The following TRANK1 variants were observed in gnomAD, a reference collection of about 807,000 sequenced individuals.
The protein encoded by TRANK1 is tetratricopeptide repeat and ankyrin repeat containing 1.
A neutral mutation model predicts 266.0 loss-of-function variants in TRANK1; 198 were observed. The observed-to-expected ratio is 0.74, with a 90% CI of 0.66 to 0.84. The LOEUF is 0.84. Ranked by LOEUF, TRANK1 falls within the 40% of genes least tolerant of loss-of-function variation. The pLI, the probability that TRANK1 is intolerant of heterozygous loss-of-function variation, is 0.00. For synonymous variants in TRANK1, 1,396 were observed against 1,384.1 expected (o/e 1.01, Z -0.19); for missense variants, 3,326 against 3,634.6 (o/e 0.92, Z 2.18).
At position 36,874,184 on chromosome 3, in the gene TRANK1, G is replaced by T; in HGVS notation, c.1020C>A (p.Ala340=). ...CTAAGTGACTGTTGATTTTCTCGAT[G>T]GCTTTGAAGTTCTTATTCCTCTTCA... ...DVLKRNKNFK[A]IEKINSHLEK... is the part of the protein sequence containing the mutation. Residue 340 remains alanine, a synonymous_variant, in exon 9 of 24, where the codon GCC becomes GCA. Coordinates refer to ENST00000645898, the MANE Select transcript of TRANK1 (RefSeq NM_001329998.2). 1 of 1,537,390 alleles carries T rather than the reference G, an allele frequency of 6.5e-7. No individual in the cohort carries two copies.
At position 36,858,847 on chromosome 3, in the gene TRANK1, A is replaced by G. The variant is rs566781996; in HGVS notation, c.1543T>C (p.Cys515Arg). ...AACTCGAAGTCCTCATGTTTCAGGC[A>G]CGTGACAACTGGCCTCTCCTGGCTC... is the stretch of plus-strand genomic sequence containing the variant. The part of the protein sequence containing the change: ...QESQERPVVT[C>R]LKHEDFELAF... Residue 515 changes from cysteine (C) to arginine (R), a missense_variant, in exon 12 of 24, where the codon TGC becomes CGC. Physicochemically the swap from Cys to Arg is radical, Grantham distance 180. Transcript: ENST00000645898. 6.5e-7 allele frequency: 1 copy of G among 1,537,252 alleles called. No homozygotes were observed. The highest frequency in any genetic ancestry group is 1.4e-5 in the African/African-American group (1 of 73,180).
In TRANK1 at chr3:36,928,613, T is replaced by A. The variant is rs1265846047; in HGVS notation, c.23+16174A>T. Among the ~76,000 whole-genome samples, 6 of 148,216 alleles carry A rather than the reference T, an allele frequency of 4.0e-5. No homozygotes were observed. In the East Asian group the frequency reaches 6.7e-4, roughly 17 times the overall value. Reference sequence around the variant, plus strand: ...TAATACAGGACTAAAATAACTTGTATCTCTGTGACCTGAGGATATAGACAC... The same window carrying A: ...TAATACAGGACTAAAATAACTTGTAACTCTGTGACCTGAGGATATAGACAC... On this transcript the variant is annotated intron_variant, in intron 1 of 23. Coordinates refer to ENST00000645898, the MANE Select transcript of TRANK1 (RefSeq NM_001329998.2).
intron 18 of TRANK1, 128 bp from the exon 19 acceptor site, chr3:36,838,844 G>A (rs996479049): frequency 1.1e-6 from 1 of 898,734 alleles, no homozygotes; most frequent in East Asian, 2.6e-5. Flanking sequence ...ATCTGAGAAG[G>A]AGGAGCAGGA....
At chr3:36,911,067 C>G (rs905361150) in intron 1 of TRANK1, among the ~76,000 whole-genome samples, 2 of 151,036 alleles carry the variant, frequency 1.3e-5, no homozygotes, top group South Asian at 2.1e-4. Context: ...CTAACTCCAT[C>G]TGGAAAAAAA....
chr3:36,856,387 T>G lies in TRANK1; in HGVS notation c.3335A>C (p.Gln1112Pro), dbSNP rs1391158081. The G allele has an allele frequency of 6.2e-7, 1 of 1,600,014 alleles. No homozygotes were observed. The highest frequency in any genetic ancestry group is 2.3e-5 in the East Asian group (1 of 44,290). ...EQAGSPLLAK[Q>P]VWLKRRLEVE... ...TTCCAACCTTCTCTTCAGCCAGACC[T>G]GTTTGGCCAGCAATGGGCTTCCTGC... The change falls in exon 13 of 24, where the codon CAG (glutamine) becomes CCG (proline). Residue 1112 changes from glutamine to proline, a missense_variant. Transcript: ENST00000645898.
chr3:36,857,472 T>C lies in TRANK1; in HGVS notation c.2250A>G (p.Pro750=). Residue 750 remains proline (P), a synonymous_variant, in exon 13 of 24, where the codon CCA becomes CCG. Coordinates refer to ENST00000645898, the MANE Select transcript of TRANK1 (RefSeq NM_001329998.2). The surrounding 1 kb of genome is among the most constrained non-coding windows in gnomAD (Gnocchi z 4.3). ...GCTCAGAGCTCTGAAGACAGTCCTC[T>C]GGGAAAGACGGATCCACTTCAACCT... is the stretch of plus-strand genomic sequence containing the variant. The part of the protein sequence containing the change: ...IQQVEVDPSF[P]EDCLQSSEPL... 6.2e-7 allele frequency: 1 copy of C among 1,613,990 alleles called. No homozygotes were observed. Among genetic ancestry groups the C allele is most frequent in the Non-Finnish European group, 8.5e-7 (1 of 1,179,874 alleles).
chr3:36,835,350 G>A (rs1364166575), intron 20 of TRANK1, among the ~76,000 whole-genome samples: 3 of 135,102 alleles, frequency 2.2e-5, no homozygotes, highest in African/African-American at 8.3e-5. Context: ...AAAAAACCCT[G>A]TAACATAGAT....
chr3:36,909,739 G>C (rs1264980816), intron 1 of TRANK1, among the ~76,000 whole-genome samples: 2 of 152,162 alleles, frequency 1.3e-5, no homozygotes, highest in Non-Finnish European at 2.9e-5. Flanking sequence ...TAAACAATTT[G>C]ACTTCTTGGG....
chr3:36,898,307 G>A (rs1394224168), intron 4 of TRANK1, among the ~76,000 whole-genome samples: 2 of 151,914 alleles, frequency 1.3e-5, no homozygotes, highest in Admixed American at 6.6e-5. Context: ...AAAGTTAGCC[G>A]GGCGGGGTGG....
At chr3:36,829,778 A>C in intron 22 of TRANK1, 116 bp from the exon 23 acceptor site, 1 of 1,084,744 alleles carries the variant, frequency 9.2e-7, no homozygotes, top group Admixed American at 2.1e-5. Flanking sequence ...TTTTCCCTGA[A>C]AAGAGCCCTC....
At position 36,832,238 on chromosome 3, in the gene TRANK1, T is replaced by A. The variant is rs1408478949; in HGVS notation, c.7345A>T (p.Ile2449Phe). The A allele has an allele frequency of 2.5e-6, 4 of 1,613,846 alleles. No individual in the cohort carries two copies. The highest frequency in any genetic ancestry group is 2.2e-5 in the East Asian group (1 of 44,892). ...TCCAGGAGGGCTACTGTGTTTCCAATGCTGGGGATGAGTGGTTCTTTGCAC... is the reference window on the plus strand; with the variant it reads ...TCCAGGAGGGCTACTGTGTTTCCAAAGCTGGGGATGAGTGGTTCTTTGCAC... ...KRCKEPLIPS[I>F]GNTVALLEFQ... Residue 2449 changes from isoleucine to phenylalanine, a missense_variant, in exon 22 of 24, where the codon ATT becomes TTT. Transcript: ENST00000645898.
At chr3:36,886,425 G>A (rs987443547) in intron 8 of TRANK1, among the ~76,000 whole-genome samples, 18 of 151,836 alleles carry the variant, frequency 1.2e-4, no homozygotes, top group South Asian at 4.2e-4. Flanking sequence ...CTCTCTTTAC[G>A]TTTTATCCTC....
rs1437063272 is a variant in TRANK1 at position 36,829,593 on chromosome 3, A to G, written c.8780T>C (p.Met2927Thr). 6.2e-7 allele frequency: 1 copy of G among 1,614,012 alleles called. No homozygotes were observed. Among genetic ancestry groups the G allele is most frequent in the South Asian group, 1.1e-5 (1 of 91,082 alleles). ...CTTCTTTAAGCGGGTCTCTGTTTTCATCAACCAGTCTCGTGCATCCCTGAC... is the reference window on the plus strand; with the variant it reads ...CTTCTTTAAGCGGGTCTCTGTTTTCGTCAACCAGTCTCGTGCATCCCTGAC... ...LSVRDARDWL[M>T]KTETRLKKEG... The change falls in exon 23 of 24, where the codon ATG becomes ACG. Residue 2927 changes from methionine (M) to threonine (T), a missense_variant. Transcript: ENST00000645898.
At chr3:36,866,680 A>G (rs2125562778) in intron 9 of TRANK1, among the ~76,000 whole-genome samples, 1 of 152,314 alleles carries the variant, frequency 6.6e-6, no homozygotes, top group Admixed American at 6.5e-5. Flanking sequence ...ATTCCCAGAC[A>G]TTTCTGGTTT....
At chr3:36,866,888 A>G (rs577561295) in intron 9 of TRANK1, among the ~76,000 whole-genome samples, 14 of 152,264 alleles carry the variant, frequency 9.2e-5, no homozygotes, top group Admixed American at 2.6e-4. Context: ...ATCACACTTC[A>G]ATAAATCAAG....
chr3:36,900,851 C>CAAAAAAAAAAAAAAAA (rs138198488), intron 3 of TRANK1, among the ~76,000 whole-genome samples: 1,072 of 62,722 alleles, frequency 0.017, 162 homozygotes, highest in Non-Finnish European at 0.02. Flanking sequence ...GACCCTGTCT[C>CAAAAAAAAAAAAAAAA]AAAAAAAAAA....
At chr3:36,861,205 A>T (rs1412810432) in intron 10 of TRANK1, 45 bp from the exon 11 acceptor site, 2 of 1,515,136 alleles carry the variant, frequency 1.3e-6, no homozygotes, top group African/African-American at 2.8e-5. Flanking sequence ...TGTTCATATG[A>T]TTTCTCTTCT....
At chr3:36,841,255 A>G (rs1336863433) in intron 18 of TRANK1, among the ~76,000 whole-genome samples, 1 of 152,244 alleles carries the variant, frequency 6.6e-6, no homozygotes, top group Non-Finnish European at 1.5e-5. Flanking sequence ...AAGCGGCAAG[A>G]GAAAGTGCAG....
At chr3:36,890,204 C>T (rs1337865163) in intron 7 of TRANK1, among the ~76,000 whole-genome samples, 2 of 152,098 alleles carry the variant, frequency 1.3e-5, no homozygotes, top group Non-Finnish European at 2.9e-5. Flanking sequence ...CCATAATCAT[C>T]GTAGGTCAGG....
Sources: allele counts gnomAD v4.1 joint callset (sites outside exome capture counted in the v4.1 genomes callset), GRCh38; gene constraint gnomAD v4.1.1; non-coding constraint Gnocchi (gnomAD v3.1); transcripts MANE v1.5; gene names NCBI Gene and HGNC (gene_info 2026-07-23, HGNC 2026-07-21).